SYT3: variants seen among roughly 807,000 people sequenced by gnomAD.
SYT3 encodes the protein synaptotagmin-3.
In SYT3, 25 loss-of-function variants were observed where a neutral mutation model predicts 50.6. The observed-to-expected ratio is 0.49, with a 90% CI of 0.36 to 0.69. The LOEUF is 0.69. Ranked by LOEUF, SYT3 falls within the 30% of genes least tolerant of loss-of-function variation. The pLI, the probability that SYT3 is intolerant of heterozygous loss-of-function variation, is 0.00. For synonymous variants in SYT3, 323 were observed against 353.9 expected (o/e 0.91, Z 0.98); for missense variants, 589 against 793.6 (o/e 0.74, Z 3.10).
At chr19:50,631,162 T>A (rs550719128) in intron 4 of SYT3, among the ~76,000 whole-genome samples, 57 of 67,406 alleles carry the variant, frequency 8.5e-4, no homozygotes, top group African/African-American at 5.0e-3. Flanking sequence ...CTTTTTTCTT[T>A]CTTTCTTTTT....
intron 3 of SYT3, among the ~76,000 whole-genome samples, chr19:50,636,863 T>C (rs540790317): frequency 6.6e-6 from 1 of 152,302 alleles, no homozygotes; most frequent in South Asian, 2.1e-4. Context: ...GCATCCCTTT[T>C]ATTATCCCCA....
chr19:50,649,609 C>T, the SYT3 span: 3 of 1,305,808 alleles, frequency 2.3e-6, no homozygotes, highest in Non-Finnish European at 2.1e-6. Flanking sequence ...GAGTCACTGG[C>T]ACTCCAAAGT....
rs1984024410 is a variant in SYT3, at chr19:50,625,618, T to TCCAGGACC, written c.1403-62_1403-55dup. 6.6e-7 allele frequency: 1 copy of TCCAGGACC among 1,510,098 alleles called. No individual in the cohort carries two copies. Among genetic ancestry groups the TCCAGGACC allele is most frequent in the Admixed American group, 2.3e-5 (1 of 42,788 alleles). The allele number at this position is 1,510,098 out of a possible 1,614,324, so 93.5% of individuals were successfully genotyped here. A position where few individuals can be genotyped will look rare whatever the true frequency, so the allele number is the denominator to read the frequency against. ...AGACTCACTCCCTCAGACCTAGGGG[T>TCCAGGACC]CCAGGACCCCAGGCCCCGAGCCCCT... On this transcript the variant is annotated intron_variant, in intron 7 of 10. Transcript: ENST00000600079. The surrounding 1 kb of genome is among the most constrained non-coding windows in gnomAD (Gnocchi z 7.5).
At chr19:50,649,482 T>C in the SYT3 span, 93 of 1,536,118 alleles carry the variant, frequency 6.1e-5, no homozygotes, top group Admixed American at 9.8e-5. Flanking sequence ...TTCCCTGCCA[T>C]GGGCAGCCCC....
chr19:50,623,872 TGAA>T (rs910027713), intron 9 of SYT3, among the ~76,000 whole-genome samples: 9 of 150,556 alleles, frequency 6.0e-5, no homozygotes, highest in African/African-American at 2.2e-4. Context: ...AAATCAATGA[TGAA>T]GAAAATATCA....
chr19:50,648,928 T>G, the SYT3 span, among the ~76,000 whole-genome samples: 2 of 141,874 alleles, frequency 1.4e-5, no homozygotes, highest in African/African-American at 5.3e-5. Flanking sequence ...TGGTGAGAGG[T>G]GGGAAGACAG....
At chr19:50,634,910 A>G (rs1382493723) in intron 3 of SYT3, among the ~76,000 whole-genome samples, 1 of 149,144 alleles carries the variant, frequency 6.7e-6, no homozygotes, top group African/African-American at 2.5e-5. Flanking sequence ...TTTTTGAGAC[A>G]GAGTCTCGCT....
At chr19:50,640,184 G>A (rs568328805), upstream of SYT3, among the ~76,000 whole-genome samples, 1 of 152,320 alleles carries the variant, frequency 6.6e-6, no homozygotes, top group South Asian at 2.1e-4. Flanking sequence ...GAGCCGCTCT[G>A]AAGGCCGGTG....
intron 6 of SYT3, among the ~76,000 whole-genome samples, chr19:50,628,069 T>C (rs1424962949): frequency 3.3e-5 from 5 of 152,062 alleles, no homozygotes; most frequent in African/African-American, 4.8e-5. Context: ...CAACTGGACA[T>C]CTGTCATTGA....
intron 4 of SYT3, among the ~76,000 whole-genome samples, chr19:50,631,094 G>A (rs893658220): frequency 6.6e-6 from 1 of 151,826 alleles, no homozygotes; most frequent in African/African-American, 2.4e-5. Context: ...CCTCAGGCGG[G>A]CACTCAAAGC....
chr19:50,631,905 A>G (rs1984319297), intron 4 of SYT3, among the ~76,000 whole-genome samples: 1 of 152,050 alleles, frequency 6.6e-6, no homozygotes, highest in Admixed American at 6.5e-5. Context: ...ATAATGAATG[A>G]AGGAACTCCA....
upstream of SYT3, among the ~76,000 whole-genome samples, chr19:50,641,991 T>C (rs1405959786): frequency 6.6e-6 from 1 of 152,242 alleles, no homozygotes; most frequent in Non-Finnish European, 1.5e-5. Flanking sequence ...GCCCTCCCTC[T>C]AATTAGATTA....
In SYT3 at chr19:50,639,571, C is replaced by T. The variant is rs1417256680; in HGVS notation, c.-154+219G>A. Among the ~76,000 whole-genome samples, 2 of 151,924 alleles carry T rather than the reference C, an allele frequency of 1.3e-5. No homozygotes were observed. Among genetic ancestry groups the T allele is most frequent in the African/African-American group, 4.8e-5 (2 of 41,382 alleles). ...GAAACGATCCCCCCGCGCTGGGGAT[C>T]GGTGGGCGAGGGGTGGGATACACCC... On this transcript the variant is annotated intron_variant, in intron 1 of 10. Coordinates refer to ENST00000600079, the MANE Select transcript of SYT3 (RefSeq NM_001160329.2). The surrounding 1 kb of genome is among the most constrained non-coding windows in gnomAD (Gnocchi z 4.6).
At chr19:50,626,830 G>A (rs1040634496) in intron 6 of SYT3, among the ~76,000 whole-genome samples, 9 of 151,476 alleles carry the variant, frequency 5.9e-5, no homozygotes, top group African/African-American at 1.9e-4. Flanking sequence ...AGAGACAGTG[G>A]GTTGGGGGTG....
At chr19:50,642,688 G>C (rs1289268209), upstream of SYT3, among the ~76,000 whole-genome samples, 1 of 152,130 alleles carries the variant, frequency 6.6e-6, no homozygotes, top group East Asian at 1.9e-4. Context: ...ACAAAAATTA[G>C]CCGGGCGTGG....
intron 10 of SYT3, 100 bp from the exon 11 acceptor site, chr19:50,622,581 C>T (rs540849964): frequency 5.2e-5 from 43 of 831,268 alleles, no homozygotes; most frequent in South Asian, 3.5e-4. Context: ...GAGTCCCAGG[C>T]GCAGCCCCTC....
the SYT3 span, among the ~76,000 whole-genome samples, chr19:50,648,950 C>A: frequency 6.7e-6 from 1 of 150,210 alleles, no homozygotes; most frequent in Non-Finnish European, 1.5e-5. Flanking sequence ...GAGAGGGTGA[C>A]GGGGTTAGGG....
chr19:50,638,713 G>A (rs1216538840), intron 2 of SYT3, among the ~76,000 whole-genome samples: 2 of 152,094 alleles, frequency 1.3e-5, no homozygotes, highest in Non-Finnish European at 2.9e-5. Flanking sequence ...ACGGGAGGAT[G>A]GATGGGTGGG....
Position 50,629,298 on chromosome 19 carries a change from C to T in SYT3, c.1277G>A (p.Gly426Asp). The T allele has an allele frequency of 1.3e-6, 2 of 1,597,062 alleles. No individual in the cohort carries two copies. Among genetic ancestry groups the T allele is most frequent in the South Asian group, 1.1e-5 (1 of 89,370 alleles). ...RPLWRDIVEG[G>D]SEKADLGELN... ...TCAGGGGAGAGGGCCACTGACCGAG[C>T]CGCCCTCCACGATGTCCCTCCAGAG... is the stretch of plus-strand genomic sequence containing the variant. The change falls in exon 6 of 11, where the codon GGC (glycine) becomes GAC (aspartate). Residue 426 changes from glycine to aspartate, a missense_variant. Coordinates refer to ENST00000600079, the MANE Select transcript of SYT3 (RefSeq NM_001160329.2).
Sources: allele counts gnomAD v4.1 joint callset (sites outside exome capture counted in the v4.1 genomes callset), GRCh38; gene constraint gnomAD v4.1.1; non-coding constraint Gnocchi (gnomAD v3.1); transcripts MANE v1.5; gene names NCBI Gene and HGNC (gene_info 2026-07-23, HGNC 2026-07-21).